Variants in RCAN2 observed in about 807,000 individuals in gnomAD.
The protein encoded by RCAN2 is regulator of calcineurin 2.
In RCAN2, 9 loss-of-function variants were observed where a neutral mutation model predicts 23.6. That is an observed-to-expected ratio of 0.38 (90% CI 0.23 to 0.67). The LOEUF is 0.67. RCAN2 is among the 30% of genes least tolerant of loss of function. The probability of loss-of-function intolerance (pLI) is 0.51; values close to 1 mark genes in which losing one functional copy is unlikely to be tolerated. For missense variants in RCAN2, 273 were observed against 302.3 expected, an observed-to-expected ratio of 0.90 and a Z score of 0.72; for synonymous variants, 109 against 115.7, an observed-to-expected ratio of 0.94 and a Z score of 0.37.
chr6:46,324,556 G>A (rs577220005), intron 2 of RCAN2, among the ~76,000 whole-genome samples: 4 of 152,190 alleles, frequency 2.6e-5, no homozygotes, highest in Non-Finnish European at 5.9e-5. Context: ...GTGTATATGT[G>A]TGAGTGAACT....
intron 2 of RCAN2, among the ~76,000 whole-genome samples, chr6:46,297,854 C>A (rs1436263400): frequency 3.9e-5 from 6 of 152,028 alleles, no homozygotes; most frequent in Non-Finnish European, 7.4e-5. Context: ...GAATATAATT[C>A]TTTAAGGCCC....
intron 1 of RCAN2, among the ~76,000 whole-genome samples, chr6:46,476,313 G>A (rs1182597287): frequency 1.3e-5 from 2 of 152,142 alleles, no homozygotes; most frequent in African/African-American, 4.8e-5. Flanking sequence ...CATGCATGAA[G>A]TGAAACAAAT....
chr6:46,341,868 GGGT>G (rs1460387040), intron 2 of RCAN2, among the ~76,000 whole-genome samples: 1 of 152,114 alleles, frequency 6.6e-6, no homozygotes, highest in South Asian at 2.1e-4. Flanking sequence ...TTTCAGGTAA[GGGT>G]TGTGGTAAAT....
At position 46,376,405 on chromosome 6, in the gene RCAN2, G is replaced by A. The variant is rs568915449; in HGVS notation, c.225+80347C>T. The stretch of plus-strand genomic sequence containing the variant: ...ACAACTGATGCCATCATTAAGAGTG[G>A]GCTCTGTGGCTCACGCCTGTAATCC... On this transcript the variant is annotated intron_variant, in intron 2 of 4. Transcript: ENST00000371374. Among the ~76,000 whole-genome samples, 54 of 152,320 alleles carry A rather than the reference G, an allele frequency of 3.5e-4. No individual in the cohort carries two copies. In the South Asian group the frequency reaches 5.8e-3, roughly 16 times the overall value.
intron 2 of RCAN2, among the ~76,000 whole-genome samples, chr6:46,282,967 C>G (rs1315011253): frequency 6.6e-6 from 1 of 152,134 alleles, no homozygotes; most frequent in Non-Finnish European, 1.5e-5. Flanking sequence ...AAATCTTAAG[C>G]CCAGAGCACA....
intron 2 of RCAN2, among the ~76,000 whole-genome samples, chr6:46,347,167 G>A (rs1465279874): frequency 2.0e-5 from 3 of 152,282 alleles, no homozygotes; most frequent in Admixed American, 1.3e-4. Context: ...GATCCACCGC[G>A]CCTGGCCAAC....
chr6:46,462,196 T>C (rs1768238780), intron 1 of RCAN2, among the ~76,000 whole-genome samples: 2 of 152,168 alleles, frequency 1.3e-5, no homozygotes. Flanking sequence ...GAATATTTGG[T>C]ATGAGTTTGG....
chr6:46,298,023 CTTTA>C (rs1205509529), intron 2 of RCAN2, among the ~76,000 whole-genome samples: 7 of 152,052 alleles, frequency 4.6e-5, no homozygotes, highest in Admixed American at 3.3e-4. Context: ...AGTTTGAAAG[CTTTA>C]TTTAAGTCCT....
At chr6:46,279,484 C>T (rs1334411008) in intron 2 of RCAN2, among the ~76,000 whole-genome samples, 1 of 152,132 alleles carries the variant, frequency 6.6e-6, no homozygotes, top group Non-Finnish European at 1.5e-5. Flanking sequence ...CCACTAAATG[C>T]CAGTAGCATC....
In RCAN2 at chr6:46,321,043, C is replaced by T. The variant is rs544322151; in HGVS notation, c.226-72147G>A. Among the ~76,000 whole-genome samples the T allele has an allele frequency of 9.2e-5, 14 of 152,242 alleles. No individual in the cohort carries two copies. The South Asian group carries it at 2.7e-3, about 29-fold the overall frequency. The stretch of plus-strand genomic sequence containing the variant: ...TGGCTAAGATGGCCTCTCTTTCTAC[C>T]TACTATTCACTCTATGTGGAATGAT... On this transcript the variant is annotated intron_variant, in intron 2 of 4. Transcript: ENST00000371374.
chr6:46,485,802 C>T (rs1295419706), intron 1 of RCAN2, among the ~76,000 whole-genome samples: 1 of 152,156 alleles, frequency 6.6e-6, no homozygotes, highest in Non-Finnish European at 1.5e-5. Flanking sequence ...TCCCCCTTCA[C>T]CAGCTGGACC....
intron 2 of RCAN2, among the ~76,000 whole-genome samples, chr6:46,297,656 T>C (rs7759250): frequency 2.6e-5 from 4 of 152,114 alleles, no homozygotes; most frequent in African/African-American, 9.7e-5. Flanking sequence ...TTCTAAAACA[T>C]TTATTACTAC....
intron 2 of RCAN2, among the ~76,000 whole-genome samples, chr6:46,402,808 G>T (rs2150403691): frequency 6.6e-6 from 1 of 152,240 alleles, no homozygotes; most frequent in Middle Eastern, 3.4e-3. Context: ...ATATCTTTGG[G>T]TCTTTATTCT....
Position 46,350,917 on chromosome 6 carries a change from CCT to C in RCAN2, c.226-102023_226-102022del, listed in dbSNP as rs1366494002. 1.4e-4 allele frequency among the ~76,000 whole-genome samples: 21 copies of C among 152,270 alleles called. No individual in the cohort carries two copies. The South Asian group carries it at 4.4e-3, about 32-fold the overall frequency. ...ACCCACTTAACCGTGCCCCAAACTG[CCT>C]CTCATGAGAGTGCTGACTAACTTGA... On this transcript the variant is annotated intron_variant, in intron 2 of 4. Transcript: ENST00000371374.
At chr6:46,281,662 C>T (rs191655324) in intron 2 of RCAN2, among the ~76,000 whole-genome samples, 490 of 152,260 alleles carry the variant, frequency 3.2e-3, no homozygotes, top group Non-Finnish European at 4.0e-3. Context: ...CTGAGCTAAA[C>T]ATTTTTCTCT....
At chr6:46,371,951 T>C (rs978570295) in intron 2 of RCAN2, among the ~76,000 whole-genome samples, 1 of 152,234 alleles carries the variant, frequency 6.6e-6, no homozygotes. Flanking sequence ...ATTTCATAAA[T>C]GGGGAACAGA....
intron 2 of RCAN2, among the ~76,000 whole-genome samples, chr6:46,414,930 G>A (rs190858371): frequency 1.3e-5 from 2 of 152,330 alleles, no homozygotes; most frequent in East Asian, 3.9e-4. Context: ...GCACTGTATG[G>A]AGAAGTGAAG....
intron 4 of RCAN2, among the ~76,000 whole-genome samples, chr6:46,224,350 C>T (rs552843375): frequency 2.3e-4 from 35 of 152,304 alleles, no homozygotes; most frequent in African/African-American, 7.7e-4. Flanking sequence ...AACAATAACT[C>T]CCAGATATCC....
At chr6:46,238,464 G>A (rs1326501142) in intron 4 of RCAN2, among the ~76,000 whole-genome samples, 8 of 152,180 alleles carry the variant, frequency 5.3e-5, no homozygotes, top group African/African-American at 4.8e-5. Flanking sequence ...GATGCTAAAT[G>A]TACTGCAATG....
Sources: allele counts gnomAD v4.1 joint callset (sites outside exome capture counted in the v4.1 genomes callset), GRCh38; gene constraint gnomAD v4.1.1; transcripts MANE v1.5; gene names NCBI Gene and HGNC (gene_info 2026-07-23, HGNC 2026-07-21).